The following TPX2 variants were observed in gnomAD, a reference collection of about 807,000 sequenced individuals.
The protein encoded by TPX2 is TPX2 microtubule nucleation factor, also known as targeting protein for Xklp2.
Under a neutral mutation model 93.6 loss-of-function variants are expected in TPX2, and 21 were observed. That is an observed-to-expected ratio of 0.22 (90% CI 0.16 to 0.32). TPX2 has a LOEUF of 0.32. Among genes scored for constraint, TPX2 ranks in the 10% least tolerant of loss-of-function variants. The pLI is 1.00. For synonymous variants in TPX2, 281 were observed against 298.3 expected, an observed-to-expected ratio of 0.94 and a Z score of 0.60; for missense variants, 776 against 871.1, an observed-to-expected ratio of 0.89 and a Z score of 1.37.
intron 15 of TPX2, among the ~76,000 whole-genome samples, chr20:31,794,757 TGTG>T (rs2062125244): frequency 1.7e-5 from 2 of 121,060 alleles, no homozygotes; most frequent in African/African-American, 3.1e-5. Flanking sequence ...TGTCGCATAG[TGTG>T]TGTGTGTGTG....
chr20:31,793,887 C>G lies in TPX2; in HGVS notation c.1549C>G (p.Pro517Ala). 6.2e-7 allele frequency: 1 copy of G among 1,611,664 alleles called. No individual in the cohort carries two copies. Among genetic ancestry groups the G allele is most frequent in the East Asian group, 2.2e-5 (1 of 44,848 alleles). Reference sequence around the variant, plus strand: ...GGTAGTGATAAAAGCTCAACCTGTGCCACATTATGGGGTGCCTTTTAAGCC... The same window carrying G: ...GGTAGTGATAAAAGCTCAACCTGTGGCACATTATGGGGTGCCTTTTAAGCC... ...EPVVIKAQPV[P>A]HYGVPFKPQI... is the part of the protein sequence containing the mutation. The change falls in exon 14 of 18, where the codon CCA becomes GCA. Residue 517 changes from proline (P) to alanine (A), a missense_variant. This residue lies in a region of TPX2 where 461 missense variants were observed against 551.2 expected (regional missense o/e 0.84). Coordinates refer to ENST00000300403, the MANE Select transcript of TPX2 (RefSeq NM_012112.5).
At chr20:31,792,232 G>T (rs190444792) in intron 12 of TPX2, among the ~76,000 whole-genome samples, 1 of 152,118 alleles carries the variant, frequency 6.6e-6, no homozygotes, top group African/African-American at 2.4e-5. Context: ...AGTGGTGCGC[G>T]CTTGTAGTCC....
At chr20:31,767,870 C>T (rs762823826) in intron 5 of TPX2, among the ~76,000 whole-genome samples, 2 of 151,754 alleles carry the variant, frequency 1.3e-5, no homozygotes, top group Non-Finnish European at 2.9e-5. Context: ...AGTTTATAAT[C>T]AGAGTTTAGT....
intron 2 of TPX2, among the ~76,000 whole-genome samples, chr20:31,748,999 G>A (rs973137307): frequency 6.7e-6 from 1 of 149,802 alleles, no homozygotes; most frequent in Admixed American, 6.7e-5. Context: ...AGGCTGGAGT[G>A]CAGTGGCGCG....
At chr20:31,776,606 A>G (rs538106395) in intron 8 of TPX2, among the ~76,000 whole-genome samples, 2 of 151,064 alleles carry the variant, frequency 1.3e-5, no homozygotes, top group East Asian at 3.9e-4. Context: ...GCTCAACACA[A>G]CCTCTGCCTC....
At chr20:31,779,822 T>A (rs2062022397) in intron 10 of TPX2, among the ~76,000 whole-genome samples, 1 of 152,028 alleles carries the variant, frequency 6.6e-6, no homozygotes, top group South Asian at 2.1e-4. Context: ...GTGGGAGGAA[T>A]GGGTGCAAAT....
rs761307677 is a variant in TPX2 at position 31,756,773 on chromosome 20, G to A, written c.-70-634G>A. 4.2e-4 allele frequency among the ~76,000 whole-genome samples: 64 copies of A among 152,046 alleles called. 1 individual carries two copies. Among genetic ancestry groups the A allele is most frequent in the Non-Finnish European group, 7.1e-4 (48 of 67,950 alleles). On this transcript the variant is annotated intron_variant, in intron 2 of 17. Coordinates refer to ENST00000300403, the MANE Select transcript of TPX2 (RefSeq NM_012112.5). ...CGAGTAGCTAGAATTACAGGCGCCT[G>A]CCACCATGCCCAGCTAATTTTTTGT...
intron 7 of TPX2, among the ~76,000 whole-genome samples, chr20:31,773,722 T>C (rs1452269677): frequency 2.6e-5 from 4 of 152,242 alleles, no homozygotes; most frequent in Non-Finnish European, 5.9e-5. Flanking sequence ...AAAAATTTAA[T>C]TGTAAATTGA....
intron 12 of TPX2, among the ~76,000 whole-genome samples, chr20:31,787,876 G>C (rs2062076697): frequency 6.6e-6 from 1 of 152,146 alleles, no homozygotes; most frequent in African/African-American, 2.4e-5. Context: ...AATTTATATT[G>C]TCAGGGTGAA....
intron 7 of TPX2, among the ~76,000 whole-genome samples, chr20:31,772,978 T>TC (rs1194615141): frequency 7.2e-5 from 10 of 139,488 alleles, no homozygotes; most frequent in African/African-American, 1.9e-4. Flanking sequence ...CGGCTTTTTT[T>TC]TTTTTTTTTT....
intron 2 of TPX2, among the ~76,000 whole-genome samples, chr20:31,744,552 G>T (rs2061773002): frequency 6.6e-6 from 1 of 151,686 alleles, no homozygotes; most frequent in South Asian, 2.1e-4. Context: ...TTGAGACAGG[G>T]TCTTGCTCTG....
intron 1 of TPX2, among the ~76,000 whole-genome samples, chr20:31,740,461 CT>C (rs2061747236): frequency 6.6e-6 from 1 of 152,142 alleles, no homozygotes; most frequent in African/African-American, 2.4e-5. Flanking sequence ...TTGAGTCCCC[CT>C]GGTTGGTTTG....
Position 31,801,053 on chromosome 20 carries a change from C to T in TPX2, c.2217C>T (p.Pro739=). 1 of 1,614,184 alleles carries T rather than the reference C, an allele frequency of 6.2e-7. No individual in the cohort carries two copies. Among genetic ancestry groups the T allele is most frequent in the Non-Finnish European group, 8.5e-7 (1 of 1,180,014 alleles). Residue 739 remains proline (P), a synonymous_variant, in exon 18 of 18, where the codon CCC becomes CCT. Transcript: ENST00000300403. ...SDQPLTVPVS[P]KFSTRFHC ...AGCCTCTGACTGTGCCTGTATCTCC[C>T]AAATTCTCCACTCGATTCCACTGCT...
At chr20:31,776,235 C>G (rs868361244) in intron 8 of TPX2, among the ~76,000 whole-genome samples, 1 of 151,148 alleles carries the variant, frequency 6.6e-6, no homozygotes, top group Non-Finnish European at 1.5e-5. Flanking sequence ...CGCCCGCCAC[C>G]GCGCCCGGCT....
chr20:31,791,200 G>A (rs2062098579), intron 12 of TPX2, among the ~76,000 whole-genome samples: 1 of 152,188 alleles, frequency 6.6e-6, no homozygotes, highest in South Asian at 2.1e-4. Flanking sequence ...CGATATTTAT[G>A]AGTGAGATTC....
At position 31,793,182 on chromosome 20, in the gene TPX2, A is replaced by G. The variant is rs531636532; in HGVS notation, c.1509+352A>G. On this transcript the variant is annotated intron_variant, in intron 13 of 17. Transcript: ENST00000300403. Reference sequence around the variant, plus strand: ...TTAGATTGTCACTATTCAGTGATGGACTTTGAAAATTCATACTAAGCAATT... The same window carrying G: ...TTAGATTGTCACTATTCAGTGATGGGCTTTGAAAATTCATACTAAGCAATT... 2.6e-5 allele frequency among the ~76,000 whole-genome samples: 4 copies of G among 152,280 alleles called. No individual in the cohort carries two copies. The South Asian group carries it at 8.3e-4, about 32-fold the overall frequency.
chr20:31,777,718 TATA>T lies in TPX2; in HGVS notation c.882+84_882+86del, dbSNP rs1410270591. 4.3e-6 allele frequency: 6 copies of T among 1,403,700 alleles called. No homozygotes were observed. The African/African-American group carries it at 8.7e-5, about 20-fold the overall frequency. 87.0% of individuals were successfully genotyped at this position (1,403,700 alleles called of 1,614,324 possible). On this transcript the variant is annotated intron_variant, in intron 9 of 17. Transcript: ENST00000300403. Reference sequence around the variant, plus strand: ...ACGTGTAGCATTTGTGGTCACTGTTTATAATAGTATAATTGAGAAAAAAAACCT... The same window carrying T: ...ACGTGTAGCATTTGTGGTCACTGTTTATAGTATAATTGAGAAAAAAAACCT...
chr20:31,778,768 C>A (rs533921607), intron 9 of TPX2, 45 bp from the exon 10 acceptor site: 1 of 1,497,372 alleles, frequency 6.7e-7, no homozygotes, highest in Non-Finnish European at 8.9e-7. Flanking sequence ...TAGATGTGAG[C>A]TCTTCCGTGA....
At position 31,783,845 on chromosome 20, in the gene TPX2, C is replaced by G; in HGVS notation, c.1337C>G (p.Ser446Ter). 6.2e-7 allele frequency: 1 copy of G among 1,608,686 alleles called. No individual in the cohort carries two copies. The highest frequency in any genetic ancestry group is 8.5e-7 in the Non-Finnish European group (1 of 1,178,878). The change falls in exon 12 of 18, where the codon TCA becomes TGA. Residue 446 changes from serine (S) to a stop codon, truncating the protein, a stop_gained. Coordinates refer to ENST00000300403, the MANE Select transcript of TPX2 (RefSeq NM_012112.5). LOFTEE classifies it high-confidence loss of function. ...EIEKRIQERE[S>*]KKKTEDEHFE... is the part of the protein sequence containing the mutation. ...GAGAAAAGAATCCAGGAGCGAGAAT[C>G]AAAGAAGAAAACAGAGGATGAACAC...
Sources: allele counts gnomAD v4.1 joint callset (sites outside exome capture counted in the v4.1 genomes callset), GRCh38; gene constraint gnomAD v4.1.1; regional missense constraint gnomAD v4.1.1; transcripts MANE v1.5; gene names NCBI Gene and HGNC (gene_info 2026-07-23, HGNC 2026-07-21).